The following LRBA variants were observed in gnomAD, a reference collection of about 807,000 sequenced individuals.
LRBA encodes the protein LPS responsive beige-like anchor protein, also known as lipopolysaccharide-responsive and beige-like anchor protein.
Under a neutral mutation model 330.0 loss-of-function variants are expected in LRBA, and 176 were observed. The ratio of observed to expected loss-of-function variants is 0.53; its 90% confidence interval spans 0.47 to 0.60. The LOEUF is 0.60. Among genes scored for constraint, LRBA ranks in the 20% least tolerant of loss-of-function variants. LRBA has a pLI of 0.00. For missense variants in LRBA, 3,259 were observed against 3,444.8 expected, an observed-to-expected ratio of 0.95 and a Z score of 1.35; for synonymous variants, 1,230 against 1,193.0, an observed-to-expected ratio of 1.03 and a Z score of -0.64.
chr4:150,440,474 T>C (rs1215274904), intron 44 of LRBA, among the ~76,000 whole-genome samples: 2 of 152,030 alleles, frequency 1.3e-5, no homozygotes, highest in Admixed American at 1.3e-4. Flanking sequence ...AACAAAATAT[T>C]ATGTTAAAAA....
In LRBA at chr4:150,715,065, A is replaced by G. The variant is rs191288955; in HGVS notation, c.5754+20193T>C. On this transcript the variant is annotated intron_variant, in intron 36 of 56. Transcript: ENST00000651943. ...AGAACAATAAGTTACTCAGGAAAAA[A>G]TTTCACTTACCAACTGTTTACTAAT... Among the ~76,000 whole-genome samples, 19 of 152,286 alleles carry G rather than the reference A, an allele frequency of 1.2e-4. 1 individual carries two copies. In the East Asian group the frequency reaches 3.7e-3, roughly 29 times the overall value.
chr4:150,981,043 T>C (rs897038061), intron 2 of LRBA, among the ~76,000 whole-genome samples: 18 of 151,718 alleles, frequency 1.2e-4, no homozygotes, highest in African/African-American at 4.1e-4. Flanking sequence ...AAAATGTCCA[T>C]AGTACCCAAA....
intron 44 of LRBA, among the ~76,000 whole-genome samples, chr4:150,450,580 G>A (rs1349180655): frequency 6.6e-6 from 1 of 152,138 alleles, no homozygotes; most frequent in Non-Finnish European, 1.5e-5. Flanking sequence ...CCACCCTAAT[G>A]ACCTTATCTT....
At chr4:150,995,568 T>A (rs1251240658) in intron 2 of LRBA, among the ~76,000 whole-genome samples, 1 of 152,062 alleles carries the variant, frequency 6.6e-6, no homozygotes, top group Non-Finnish European at 1.5e-5. Context: ...ACATTACAAT[T>A]GCTTATTGAT....
chr4:150,897,971 A>C (rs25461), intron 14 of LRBA, among the ~76,000 whole-genome samples, 153 bp from the exon 15 acceptor site: 1 of 152,026 alleles, frequency 6.6e-6, no homozygotes, highest in African/African-American at 2.4e-5. Flanking sequence ...CTCTAGAAAG[A>C]CAAGTGTTTA....
intron 47 of LRBA, among the ~76,000 whole-genome samples, chr4:150,353,395 G>A (rs532823236): frequency 2.0e-5 from 3 of 152,236 alleles, no homozygotes; most frequent in Non-Finnish European, 2.9e-5. Flanking sequence ...TCTCCTGAGT[G>A]TCCATGGTGT....
rs147255242 is a variant in LRBA at position 150,920,768 on chromosome 4, G to A, written c.645+430C>T. Among the ~76,000 whole-genome samples, 655 of 152,132 alleles carry A rather than the reference G, an allele frequency of 4.3e-3. 3 individuals are homozygous for A. The highest frequency in any genetic ancestry group is 0.01 in the Middle Eastern group (3 of 294). On this transcript the variant is annotated intron_variant, in intron 5 of 56. Transcript: ENST00000651943. ...ACCAACATAATTTGGAAACTCACAAGTCAAGGAAAACTTGCGTAGTAAGTT... is the reference window on the plus strand; with the variant it reads ...ACCAACATAATTTGGAAACTCACAAATCAAGGAAAACTTGCGTAGTAAGTT...
chr4:150,401,044 A>G (rs1272350537), intron 47 of LRBA, among the ~76,000 whole-genome samples: 2 of 152,218 alleles, frequency 1.3e-5, no homozygotes, highest in Non-Finnish European at 2.9e-5. Flanking sequence ...CCCTAATCCA[A>G]TATGACTGGT....
chr4:150,923,131 T>C (rs114575215), intron 4 of LRBA, among the ~76,000 whole-genome samples: 73 of 146,980 alleles, frequency 5.0e-4, no homozygotes, highest in African/African-American at 1.6e-3. Context: ...GGTAGCCCCA[T>C]CCTAAGTGAA....
intron 42 of LRBA, among the ~76,000 whole-genome samples, chr4:150,474,629 G>A (rs1310497511): frequency 6.6e-6 from 1 of 152,122 alleles, no homozygotes; most frequent in Non-Finnish European, 1.5e-5. Flanking sequence ...AACATGGAAT[G>A]TCTCCATTTA....
At chr4:150,574,799 T>C (rs1327764159) in intron 40 of LRBA, among the ~76,000 whole-genome samples, 2 of 152,034 alleles carry the variant, frequency 1.3e-5, no homozygotes, top group African/African-American at 4.8e-5. Flanking sequence ...CAATTAAGTA[T>C]GGTTGGAATC....
chr4:150,518,112 T>C (rs1251799790), intron 40 of LRBA, among the ~76,000 whole-genome samples: 2 of 152,228 alleles, frequency 1.3e-5, no homozygotes, highest in African/African-American at 2.4e-5. Context: ...GGAATCATTT[T>C]ACAGCTTCTC....
intron 9 of LRBA, among the ~76,000 whole-genome samples, chr4:150,911,350 G>A (rs1354305206): frequency 6.6e-6 from 1 of 152,040 alleles, no homozygotes; most frequent in East Asian, 1.9e-4. Flanking sequence ...TTATGTTGAG[G>A]TAGTTTCCTT....
intron 47 of LRBA, among the ~76,000 whole-genome samples, chr4:150,385,241 G>C (rs1031966916): frequency 2.0e-5 from 3 of 151,926 alleles, no homozygotes; most frequent in Non-Finnish European, 4.4e-5. Context: ...TGAATGAGCA[G>C]GCCTGCATAA....
At chr4:150,738,527 A>AAAC (rs1388741457) in intron 35 of LRBA, among the ~76,000 whole-genome samples, 1 of 152,242 alleles carries the variant, frequency 6.6e-6, no homozygotes, top group Non-Finnish European at 1.5e-5. Context: ...AAGTCAAGGA[A>AAAC]AACAATTGGA....
intron 40 of LRBA, among the ~76,000 whole-genome samples, chr4:150,520,513 A>G (rs1358865623): frequency 6.6e-6 from 1 of 152,110 alleles, no homozygotes; most frequent in Non-Finnish European, 1.5e-5. Context: ...CATATTTTTG[A>G]ATTGTTCATA....
At chr4:150,904,156 G>T (rs1731057621) in intron 13 of LRBA, among the ~76,000 whole-genome samples, 2 of 152,266 alleles carry the variant, frequency 1.3e-5, no homozygotes, top group South Asian at 4.1e-4. Context: ...AACCAGAGGT[G>T]GATTGACCAC....
At chr4:150,277,670 A>T (rs558219644) in intron 56 of LRBA, among the ~76,000 whole-genome samples, 183 bp downstream of exon 56, 56 of 151,570 alleles carry the variant, frequency 3.7e-4, no homozygotes, top group South Asian at 6.3e-4. Context: ...TGAAAAAAAA[A>T]TTTTTTTTTT....
chr4:150,275,743 G>C (rs898744159), intron 56 of LRBA, among the ~76,000 whole-genome samples: 1 of 152,256 alleles, frequency 6.6e-6, no homozygotes, highest in Admixed American at 6.5e-5. Context: ...CCTCTTCAAG[G>C]AGAACTACAA....
Sources: gnomAD v4.1 joint callset for allele counts (sites outside exome capture counted in the v4.1 genomes callset) on GRCh38, gnomAD v4.1.1 for gene constraint, MANE v1.5 for transcripts, NCBI Gene and HGNC (gene_info 2026-07-23, HGNC 2026-07-21) for gene names.